Variants in MYOM2 observed in about 807,000 individuals in gnomAD.
MYOM2 encodes the protein myomesin 2.
A neutral mutation model predicts 187.6 loss-of-function variants in MYOM2; 254 were observed. The ratio of observed to expected loss-of-function variants is 1.35; its 90% CI spans 1.22 to 1.50. MYOM2 has a LOEUF of 1.50. Ranked by LOEUF, MYOM2 falls within the 40% of genes most tolerant of loss-of-function variation. The pLI is 0.00. For missense variants in MYOM2, 2,796 were observed against 1,924.0 expected, an observed-to-expected ratio of 1.45 and a Z score of -8.48; for synonymous variants, 981 against 753.8, an observed-to-expected ratio of 1.30 and a Z score of -4.94.
intron 31 of MYOM2, among the ~76,000 whole-genome samples, chr8:2,126,926 G>T (rs904157140): frequency 6.8e-6 from 1 of 146,040 alleles, no homozygotes; most frequent in Non-Finnish European, 1.5e-5. Flanking sequence ...GGGGGAGGCA[G>T]ATAGAGGCTG....
intron 6 of MYOM2, among the ~76,000 whole-genome samples, chr8:2,065,938 C>A (rs1332143137): frequency 1.3e-5 from 2 of 152,156 alleles, no homozygotes; most frequent in African/African-American, 4.8e-5. Flanking sequence ...GGGGAGATTC[C>A]AGTTGAGAGC....
intron 20 of MYOM2, 66 bp from the exon 21 acceptor site, chr8:2,102,601 G>A: frequency 1.8e-6 from 2 of 1,103,904 alleles, no homozygotes; most frequent in Middle Eastern, 2.2e-4. Context: ...ACAATAAAAT[G>A]TGAAAAACTC....
rs753683683 is a variant in MYOM2, at chr8:2,090,094, A to G, written c.1731A>G (p.Glu577=). 1.2e-6 allele frequency: 2 copies of G among 1,614,004 alleles called. No individual in the cohort carries two copies. Among genetic ancestry groups the G allele is most frequent in the Non-Finnish European group, 1.7e-6 (2 of 1,180,016 alleles). ...SPRYAVFDLM[E]GKSYVFRVLS... ...GATATGCCGTGTTTGACCTCATGGA[A>G]GGGAAGTCTTATGTGTTCCGAGTGC... Residue 577 remains glutamate, a synonymous_variant, in exon 15 of 37, where the codon GAA becomes GAG. Coordinates refer to ENST00000262113, the MANE Select transcript of MYOM2 (RefSeq NM_003970.4).
chr8:2,130,871 T>C (rs992278599), intron 32 of MYOM2, among the ~76,000 whole-genome samples: 4 of 152,246 alleles, frequency 2.6e-5, no homozygotes, highest in African/African-American at 9.6e-5. Context: ...TGAGTAAATC[T>C]ATGTTTCTAG....
At chr8:2,076,706 C>G (rs1009849542) in intron 11 of MYOM2, 1 of 159,412 alleles carries the variant, frequency 6.3e-6, no homozygotes, top group Non-Finnish European at 1.4e-5. Flanking sequence ...CAGCTCATTT[C>G]TAACAAAGTT....
intron 1 of MYOM2, among the ~76,000 whole-genome samples, 194 bp from the exon 2 acceptor site, chr8:2,050,561 G>C (rs1169206081): frequency 6.6e-6 from 1 of 152,198 alleles, no homozygotes; most frequent in African/African-American, 2.4e-5. Context: ...AATAAAGTTG[G>C]GTCCCTGGGA....
chr8:2,092,121 G>C (rs909360023), intron 15 of MYOM2, among the ~76,000 whole-genome samples: 5 of 152,056 alleles, frequency 3.3e-5, no homozygotes, highest in African/African-American at 9.7e-5. Context: ...TGTGTCTCTA[G>C]GAGTTGTGTG....
chr8:2,051,877 A>G (rs35572206), intron 2 of MYOM2, among the ~76,000 whole-genome samples: 137,750 of 152,282 alleles, frequency 0.9, 62,533 homozygotes, highest in East Asian at 1. Flanking sequence ...GTGTGTATGC[A>G]TGTGCATGTG....
chr8:2,069,874 C>T (rs1433756397), intron 8 of MYOM2, among the ~76,000 whole-genome samples: 1 of 152,226 alleles, frequency 6.6e-6, no homozygotes, highest in East Asian at 1.9e-4. Context: ...CATCCAAATT[C>T]TTGACCTGAA....
chr8:2,126,420 C>CAA (rs1418490274), intron 31 of MYOM2, among the ~76,000 whole-genome samples: 4 of 142,990 alleles, frequency 2.8e-5, no homozygotes, highest in Non-Finnish European at 6.0e-5. Flanking sequence ...ATTTCCCACT[C>CAA]AGACATACAC....
At chr8:2,126,977 T>C (rs1797670378) in intron 31 of MYOM2, among the ~76,000 whole-genome samples, 1 of 141,128 alleles carries the variant, frequency 7.1e-6, no homozygotes, top group South Asian at 2.4e-4. Flanking sequence ...TGAGAGAGGC[T>C]GACGGAGGCT....
chr8:2,141,170 C>A lies in MYOM2; in HGVS notation c.3994C>A (p.Gln1332Lys), dbSNP rs1157612630. ...AFDEAFAEFQQFKAAAFAEKN... is the reference protein window; with the variant it reads ...AFDEAFAEFQKFKAAAFAEKN... ...TGATGAAGCATTTGCAGAATTCCAG[C>A]AATTCAAGTAAGATTTGTGTATTTA... The change falls in exon 34 of 37, where the codon CAA (glutamine) becomes AAA (lysine). Residue 1332 changes from glutamine (Q) to lysine (K), a missense_variant. Transcript: ENST00000262113. 1 of 1,611,824 alleles carries A rather than the reference C, an allele frequency of 6.2e-7. No homozygotes were observed. Among genetic ancestry groups the A allele is most frequent in the African/African-American group, 1.3e-5 (1 of 74,876 alleles).
At chr8:2,112,486 G>A (rs951009487) in intron 25 of MYOM2, among the ~76,000 whole-genome samples, 7 of 152,080 alleles carry the variant, frequency 4.6e-5, no homozygotes, top group African/African-American at 9.7e-5. Context: ...AGGGAATAGC[G>A]ACACAGGGAA....
chr8:2,141,517 C>T (rs1174070019), intron 34 of MYOM2, among the ~76,000 whole-genome samples: 1 of 152,082 alleles, frequency 6.6e-6, no homozygotes, highest in Non-Finnish European at 1.5e-5. Flanking sequence ...GGGCTTTTGG[C>T]CGATTTCGGT....
At chr8:2,079,660 G>T in intron 13 of MYOM2, 47 bp downstream of exon 13, 1 of 1,588,104 alleles carries the variant, frequency 6.3e-7, no homozygotes, top group Non-Finnish European at 8.6e-7. Context: ...TGGGGATTTG[G>T]AGTTGTAATT....
At chr8:2,087,245 A>C (rs988297191) in intron 14 of MYOM2, among the ~76,000 whole-genome samples, 5 of 152,214 alleles carry the variant, frequency 3.3e-5, no homozygotes, top group African/African-American at 1.2e-4. Flanking sequence ...GTAGTATGCA[A>C]GTAACAGAGA....
chr8:2,135,207 G>T (rs185873769), intron 32 of MYOM2, among the ~76,000 whole-genome samples: 1 of 152,088 alleles, frequency 6.6e-6, no homozygotes, highest in African/African-American at 2.4e-5. Context: ...TCATATCTCT[G>T]TGAGAAACAA....
chr8:2,096,522 A>T, intron 18 of MYOM2, 88 bp downstream of exon 18: 1 of 1,258,038 alleles, frequency 7.9e-7, no homozygotes. Context: ...GACATTAGAT[A>T]GTTTGATACA....
intron 18 of MYOM2, chr8:2,097,015 C>T (rs1796515350): frequency 4.9e-6 from 3 of 613,172 alleles, no homozygotes; most frequent in Non-Finnish European, 6.1e-6. Context: ...CTGTCCGGCC[C>T]TTGACCCCTC....
Sources: gnomAD v4.1 joint callset for allele counts (sites outside exome capture counted in the v4.1 genomes callset) on GRCh38, gnomAD v4.1.1 for gene constraint, MANE v1.5 for transcripts, NCBI Gene and HGNC (gene_info 2026-07-23, HGNC 2026-07-21) for gene names.